Variants in XKR9 observed in about 807,000 individuals in gnomAD.
XKR9 encodes the protein XK related 9.
In XKR9, 32 loss-of-function variants were observed where a neutral mutation model predicts 32.0. That is an observed-to-expected ratio of 1.00 (90% confidence interval 0.76 to 1.34). The LOEUF is 1.34. Among genes scored for constraint, XKR9 ranks in the 40% most tolerant of loss-of-function variants. The probability of loss-of-function intolerance (pLI) is 0.00; values close to 1 mark genes in which losing one functional copy is unlikely to be tolerated. For missense variants in XKR9, 546 were observed against 429.7 expected (o/e 1.27, Z -2.39); for synonymous variants, 168 against 143.4 (o/e 1.17, Z -1.22).
At chr8:71,021,385 G>T in the XKR9 span, among the ~76,000 whole-genome samples, 1 of 150,876 alleles carries the variant, frequency 6.6e-6, no homozygotes, top group African/African-American at 2.4e-5. Context: ...TTTTTTGCTT[G>T]TTCAATTATT....
At chr8:70,855,713 AG>A in the XKR9 span, among the ~76,000 whole-genome samples, 1 of 152,270 alleles carries the variant, frequency 6.6e-6, no homozygotes, top group African/African-American at 2.4e-5. Flanking sequence ...AAAAATGTTA[AG>A]GGCAGCCAGA....
intron 2 of XKR9, among the ~76,000 whole-genome samples, chr8:70,767,207 C>T (rs1046620265): frequency 4.6e-5 from 7 of 152,094 alleles, no homozygotes; most frequent in African/African-American, 7.2e-5. Context: ...TGGTAGAATT[C>T]GGCTGTGAAT....
intron 3 of XKR9, among the ~76,000 whole-genome samples, chr8:70,698,252 T>C (rs1209432348): frequency 7.2e-5 from 11 of 151,990 alleles, no homozygotes; most frequent in Non-Finnish European, 2.9e-5. Context: ...GCTCTTGCTT[T>C]TCTAGTTCTT....
At chr8:70,800,254 T>G in the XKR9 span, among the ~76,000 whole-genome samples, 1 of 152,222 alleles carries the variant, frequency 6.6e-6, no homozygotes, top group Admixed American at 6.5e-5. Context: ...GCTGCTGGAT[T>G]CAATTTGCTA....
downstream of XKR9, among the ~76,000 whole-genome samples, chr8:70,739,820 T>C (rs1055143163): frequency 6.6e-6 from 1 of 152,190 alleles, no homozygotes. Flanking sequence ...GCTTGTAGAG[T>C]TTCTGCCGAG....
the XKR9 span, among the ~76,000 whole-genome samples, chr8:70,890,716 T>C: frequency 1.3e-5 from 2 of 152,056 alleles, no homozygotes; most frequent in African/African-American, 4.8e-5. Context: ...AGTATTTTGC[T>C]GAGGATTTTG....
At chr8:70,742,620 A>G (rs1807003901) in intron 2 of XKR9, among the ~76,000 whole-genome samples, 2 of 152,008 alleles carry the variant, frequency 1.3e-5, no homozygotes, top group Non-Finnish European at 1.5e-5. Flanking sequence ...TTAAATCTGA[A>G]CATATCTTTA....
At chr8:70,885,474 T>C in the XKR9 span, among the ~76,000 whole-genome samples, 12 of 152,288 alleles carry the variant, frequency 7.9e-5, no homozygotes, top group East Asian at 1.2e-3. Flanking sequence ...TAGGTATACA[T>C]GTGCCATGGA....
the XKR9 span, among the ~76,000 whole-genome samples, chr8:70,797,689 C>A: frequency 6.6e-6 from 1 of 151,908 alleles, no homozygotes; most frequent in African/African-American, 2.4e-5. Flanking sequence ...GGTAGTATTT[C>A]CATCTTCACT....
the XKR9 span, among the ~76,000 whole-genome samples, chr8:71,030,181 C>T: frequency 6.6e-6 from 1 of 152,182 alleles, no homozygotes; most frequent in East Asian, 1.9e-4. Flanking sequence ...GTGATGCATT[C>T]TTGATACACT....
the XKR9 span, among the ~76,000 whole-genome samples, chr8:71,060,559 G>T: frequency 9.9e-5 from 15 of 152,230 alleles, no homozygotes; most frequent in African/African-American, 3.6e-4. Flanking sequence ...AGTGAATACT[G>T]CCTTTAAACT....
At chr8:70,785,959 G>C (rs1219016063) in intron 2 of XKR9, among the ~76,000 whole-genome samples, 5 of 151,814 alleles carry the variant, frequency 3.3e-5, no homozygotes, top group African/African-American at 4.8e-5. Flanking sequence ...AAAGTGCTGG[G>C]ATTACAGGTG....
the XKR9 span, among the ~76,000 whole-genome samples, chr8:70,841,727 C>A: frequency 6.6e-6 from 1 of 152,146 alleles, no homozygotes; most frequent in Non-Finnish European, 1.5e-5. Flanking sequence ...TCAGGTTATA[C>A]AAATTTTGGC....
the XKR9 span, among the ~76,000 whole-genome samples, chr8:71,018,864 A>G: frequency 1.3e-5 from 2 of 152,248 alleles, no homozygotes; most frequent in African/African-American, 4.8e-5. Context: ...GTTGGAAAAT[A>G]TCTTTTAAAG....
intron 4 of XKR9, 70 bp downstream of exon 4, chr8:70,707,223 G>T: frequency 2.4e-6 from 3 of 1,252,494 alleles, no homozygotes; most frequent in South Asian, 3.1e-5. Flanking sequence ...ATAAATCTTT[G>T]GCTGACTTTA....
At chr8:70,915,823 G>A in the XKR9 span, among the ~76,000 whole-genome samples, 6 of 152,120 alleles carry the variant, frequency 3.9e-5, no homozygotes, top group East Asian at 1.2e-3. Context: ...CGCCTTTTGT[G>A]GAGGAGACTT....
At chr8:70,946,834 A>G in the XKR9 span, among the ~76,000 whole-genome samples, 3 of 152,160 alleles carry the variant, frequency 2.0e-5, no homozygotes, top group Non-Finnish European at 4.4e-5. Flanking sequence ...CACATTCACA[A>G]CTCGTTTTAA....
At chr8:70,696,774 A>G (rs1805294346) in intron 3 of XKR9, among the ~76,000 whole-genome samples, 1 of 151,450 alleles carries the variant, frequency 6.6e-6, no homozygotes, top group African/African-American at 2.4e-5. Flanking sequence ...TACCTTGGGC[A>G]GTATGGCCAT....
chr8:70,697,308 T>C (rs1316558653), intron 3 of XKR9, among the ~76,000 whole-genome samples: 216 of 151,264 alleles, frequency 1.4e-3, no homozygotes, highest in African/African-American at 5.0e-3. Context: ...CAGTATGATA[T>C]TGGCTGTGGG....
Sources: gnomAD v4.1 joint callset for allele counts (sites outside exome capture counted in the v4.1 genomes callset) on GRCh38, gnomAD v4.1.1 for gene constraint, MANE v1.5 for transcripts, NCBI Gene and HGNC (gene_info 2026-07-23, HGNC 2026-07-21) for gene names.